REV3L: variants seen among roughly 807,000 people sequenced by gnomAD.
REV3L encodes REV3 like, DNA directed polymerase zeta catalytic subunit.
REV3L carries 69 observed loss-of-function variants against 299.4 expected under a neutral mutation model. The ratio of observed to expected loss-of-function variants is 0.23; its 90% CI spans 0.19 to 0.28. The LOEUF is 0.28. REV3L is among the 10% of genes least tolerant of loss of function. The probability of loss-of-function intolerance (pLI) is 1.00; values close to 1 mark genes in which losing one functional copy is unlikely to be tolerated. For synonymous variants in REV3L, 1,238 were observed against 1,271.4 expected (o/e 0.97, Z 0.56); for missense variants, 3,128 against 3,693.8 (o/e 0.85, Z 3.97).
chr6:111,424,898 T>C (rs1229321789), intron 1 of REV3L, among the ~76,000 whole-genome samples: 3 of 152,048 alleles, frequency 2.0e-5, no homozygotes, highest in Non-Finnish European at 4.4e-5. Context: ...GACCAAAAAA[T>C]TCAAAAGTAC....
chr6:111,310,026 T>C lies in REV3L; in HGVS notation c.8869A>G (p.Thr2957Ala), dbSNP rs1263290601. The C allele has an allele frequency of 6.2e-7, 1 of 1,612,194 alleles. No homozygotes were observed. Among genetic ancestry groups the C allele is most frequent in the Non-Finnish European group, 8.5e-7 (1 of 1,179,178 alleles). Residue 2957 changes from threonine to alanine, a missense_variant, in exon 30 of 32, where the codon ACC (threonine) becomes GCC (alanine). This residue lies in a region of REV3L where 294 missense variants were observed against 377.0 expected (regional missense o/e 0.78). Coordinates refer to ENST00000368802, the MANE Select transcript of REV3L (RefSeq NM_001372078.1). Reference protein sequence around the residue: ...ERVPYVIIYGTPGVPLIQLVR... With the variant: ...ERVPYVIIYGAPGVPLIQLVR... ...AGCTGGATAAGTGGTACTCCGGGGGTCCCATAAATGATGACGTATGGCACT... is the reference window on the plus strand; with the variant it reads ...AGCTGGATAAGTGGTACTCCGGGGGCCCCATAAATGATGACGTATGGCACT...
intron 31 of REV3L, among the ~76,000 whole-genome samples, chr6:111,303,069 T>A (rs1771761842): frequency 6.6e-6 from 1 of 152,158 alleles, no homozygotes; most frequent in African/African-American, 2.4e-5. Flanking sequence ...ATCACTTTTT[T>A]TTTTAGTTTG....
chr6:111,476,360 T>C (rs1792942474), intron 1 of REV3L, among the ~76,000 whole-genome samples: 1 of 152,206 alleles, frequency 6.6e-6, no homozygotes, highest in African/African-American at 2.4e-5. Flanking sequence ...TCTTTCCATG[T>C]TGCCCAGGCT....
chr6:111,310,265 T>G, intron 29 of REV3L, 166 bp from the exon 30 acceptor site: 19 of 794,358 alleles, frequency 2.4e-5, no homozygotes, highest in Non-Finnish European at 3.2e-5. Context: ...TACATTTTGC[T>G]TAGTTGACAC....
intron 3 of REV3L, among the ~76,000 whole-genome samples, chr6:111,409,617 T>C (rs1784033801): frequency 6.6e-6 from 1 of 152,126 alleles, no homozygotes; most frequent in African/African-American, 2.4e-5. Context: ...CTCTCTAGAA[T>C]GATGGGTTCT....
At chr6:111,409,867 C>T (rs891724981) in intron 3 of REV3L, among the ~76,000 whole-genome samples, 2 of 152,046 alleles carry the variant, frequency 1.3e-5, no homozygotes, top group Non-Finnish European at 2.9e-5. Flanking sequence ...TTTCATTTGG[C>T]AGACCAAAGA....
chr6:111,370,118 A>G (rs534006621), intron 13 of REV3L, among the ~76,000 whole-genome samples: 1 of 152,332 alleles, frequency 6.6e-6, no homozygotes, highest in East Asian at 1.9e-4. Flanking sequence ...GGCGTGAGCC[A>G]CCGTGCCCGG....
chr6:111,391,932 T>G (rs572488714), intron 5 of REV3L, among the ~76,000 whole-genome samples: 15 of 152,358 alleles, frequency 9.8e-5, no homozygotes, highest in African/African-American at 3.6e-4. Flanking sequence ...GCGGTCGTAG[T>G]AAGCTGAGAT....
intron 1 of REV3L, among the ~76,000 whole-genome samples, chr6:111,435,041 C>A (rs1787388999): frequency 6.6e-6 from 1 of 152,004 alleles, no homozygotes; most frequent in Admixed American, 6.6e-5. Flanking sequence ...CCTGTCTCTA[C>A]AAAAAATACA....
intron 26 of REV3L, among the ~76,000 whole-genome samples, chr6:111,315,817 T>C (rs1445587227): frequency 6.6e-6 from 1 of 152,180 alleles, no homozygotes; most frequent in East Asian, 1.9e-4. Context: ...AAGTGAAGGA[T>C]CTAGGTTGTG....
At chr6:111,333,001 A>G in intron 23 of REV3L, 122 bp downstream of exon 23, 1 of 1,091,926 alleles carries the variant, frequency 9.2e-7, no homozygotes, top group South Asian at 1.6e-5. Flanking sequence ...TAGCTGGGAT[A>G]CAGTCCATTT....
chr6:111,402,187 A>G (rs776660114), intron 4 of REV3L, among the ~76,000 whole-genome samples: 70 of 152,170 alleles, frequency 4.6e-4, no homozygotes, highest in Non-Finnish European at 4.4e-5. Flanking sequence ...GTCAGATCTG[A>G]GTCTATTACT....
At chr6:111,399,119 C>G (rs2128265743) in intron 4 of REV3L, among the ~76,000 whole-genome samples, 1 of 152,144 alleles carries the variant, frequency 6.6e-6, no homozygotes, top group African/African-American at 2.4e-5. Flanking sequence ...TATTCTTGTG[C>G]TTTTTCACCT....
chr6:111,417,404 T>C (rs1313961729), intron 1 of REV3L, among the ~76,000 whole-genome samples: 1 of 152,202 alleles, frequency 6.6e-6, no homozygotes, highest in Non-Finnish European at 1.5e-5. Flanking sequence ...CTAGTTCCCC[T>C]TGGGTATGTG....
intron 1 of REV3L, among the ~76,000 whole-genome samples, chr6:111,433,604 T>C (rs1029829357): frequency 5.1e-4 from 77 of 152,276 alleles, no homozygotes; most frequent in African/African-American, 1.8e-3. Flanking sequence ...AATGGCTTCA[T>C]TCCTAAATTC....
At chr6:111,359,520 GAAAAAAAAA>G (rs371680267) in intron 16 of REV3L, among the ~76,000 whole-genome samples, 1 of 102,608 alleles carries the variant, frequency 9.7e-6, no homozygotes, top group South Asian at 3.4e-4. Context: ...AGTTTTTCCT[GAAAAAAAAA>G]AAAAAAAAAA....
In REV3L at chr6:111,299,154, A is replaced by C. The variant is rs1279829201; in HGVS notation, c.*862T>G. ...AATTCCTTTTTTATTTTACACAGTT[A>C]TACAAATATTCTAAATACACATTTT... On this transcript the variant is annotated 3_prime_UTR_variant, in exon 32 of 32. Transcript: ENST00000368802. 6.6e-6 allele frequency: 1 copy of C among 152,614 alleles called. No individual in the cohort carries two copies. The highest frequency in any genetic ancestry group is 2.4e-5 in the African/African-American group (1 of 41,468). The allele number at this position is 152,614 out of a possible 1,614,324, so 9.5% of individuals were successfully genotyped here.
At chr6:111,475,852 C>G (rs1437657251) in intron 1 of REV3L, among the ~76,000 whole-genome samples, 1 of 152,036 alleles carries the variant, frequency 6.6e-6, no homozygotes, top group African/African-American at 2.4e-5. Flanking sequence ...AAATAATTAC[C>G]CTACCTTTTT....
At chr6:111,335,717 A>G in intron 21 of REV3L, 107 bp from the exon 22 acceptor site, 1 of 1,110,998 alleles carries the variant, frequency 9.0e-7, no homozygotes, top group Non-Finnish European at 1.3e-6. Context: ...GAGGTTACTT[A>G]AGGAAAGAGT....
Sources: allele counts gnomAD v4.1 joint callset (sites outside exome capture counted in the v4.1 genomes callset), GRCh38; gene constraint gnomAD v4.1.1; regional missense constraint gnomAD v4.1.1; transcripts MANE v1.5; gene names NCBI Gene and HGNC (gene_info 2026-07-23, HGNC 2026-07-21).